The following UTP20 variants were observed in gnomAD, a reference collection of about 807,000 sequenced individuals.
UTP20 encodes the protein UTP20 small subunit processome component.
UTP20 carries 164 observed loss-of-function variants against 329.5 expected under a neutral mutation model. The ratio of observed to expected loss-of-function variants is 0.50; its 90% CI spans 0.44 to 0.57. The LOEUF (loss-of-function observed/expected upper bound fraction) is 0.57. Ranked by LOEUF, UTP20 falls within the 20% of genes least tolerant of loss-of-function variation. The pLI, the probability that UTP20 is intolerant of heterozygous loss-of-function variation, is 0.00. For synonymous variants in UTP20, 1,151 were observed against 1,159.3 expected, an observed-to-expected ratio of 0.99 and a Z score of 0.14; for missense variants, 3,055 against 3,284.2, an observed-to-expected ratio of 0.93 and a Z score of 1.71.
At chr12:101,378,129 G>A (rs76798109) in intron 56 of UTP20, among the ~76,000 whole-genome samples, 12,907 of 152,242 alleles carry the variant, frequency 0.085, 671 homozygotes, top group Middle Eastern at 0.15. Flanking sequence ...TTAAGAGTTT[G>A]AAGGTCAGAT....
At chr12:101,322,450 A>G (rs1401689901) in intron 25 of UTP20, among the ~76,000 whole-genome samples, 2 of 152,198 alleles carry the variant, frequency 1.3e-5, no homozygotes, top group African/African-American at 4.8e-5. Flanking sequence ...TTAATTATAA[A>G]TGGTAGAGCA....
chr12:101,376,034 A>G (rs137868381), intron 56 of UTP20, among the ~76,000 whole-genome samples: 13 of 151,900 alleles, frequency 8.6e-5, no homozygotes, highest in African/African-American at 3.1e-4. Flanking sequence ...CTATTTATTT[A>G]TTTTCCCTCA....
Position 101,334,409 on chromosome 12 carries a change from T to C in UTP20, c.3562-16T>C. The C allele has an allele frequency of 1.2e-6, 2 of 1,607,666 alleles. No individual in the cohort carries two copies. Among genetic ancestry groups the C allele is most frequent in the Non-Finnish European group, 1.7e-6 (2 of 1,178,054 alleles). The stretch of plus-strand genomic sequence containing the variant: ...GTATATGTATTTGGTATTCTGTTTT[T>C]TACTTTGTCTCCTAGATCAGCAGGC... On this transcript the variant is annotated splice_polypyrimidine_tract_variant and intron_variant, in intron 28 of 61. Transcript: ENST00000261637.
chr12:101,286,580 A>T lies in UTP20; in HGVS notation c.515+71A>T, dbSNP rs1030926095. On this transcript the variant is annotated intron_variant, in intron 5 of 61. Transcript: ENST00000261637. ...TTTTCCCTGGCTTCTTTATGACTCCAAACCACTTTGCCAGCTCAGTGCCTA... is the reference window on the plus strand; with the variant it reads ...TTTTCCCTGGCTTCTTTATGACTCCTAACCACTTTGCCAGCTCAGTGCCTA... 5.3e-6 allele frequency: 7 copies of T among 1,313,672 alleles called. No individual in the cohort carries two copies. The African/African-American group carries it at 1.0e-4, about 20-fold the overall frequency. The allele number at this position is 1,313,672 out of a possible 1,614,324, so 81.4% of individuals were successfully genotyped here.
intron 31 of UTP20, 28 bp downstream of exon 31, chr12:101,338,985 T>A: frequency 6.4e-7 from 1 of 1,558,132 alleles, no homozygotes; most frequent in Admixed American, 2.1e-5. Context: ...ACTTAAAAGA[T>A]AACATTACCA....
chr12:101,294,441 T>G (rs904859811), intron 11 of UTP20, among the ~76,000 whole-genome samples: 1 of 152,314 alleles, frequency 6.6e-6, no homozygotes, highest in African/African-American at 2.4e-5. Flanking sequence ...CCCAATAGAA[T>G]TATATTAGAA....
intron 12 of UTP20, among the ~76,000 whole-genome samples, chr12:101,296,896 G>C (rs1872375142): frequency 6.6e-6 from 1 of 152,192 alleles, no homozygotes; most frequent in Non-Finnish European, 1.5e-5. Flanking sequence ...TACATGAGAA[G>C]ATTTATTGTA....
chr12:101,332,214 G>C (rs1239446870), intron 27 of UTP20, among the ~76,000 whole-genome samples: 1 of 152,158 alleles, frequency 6.6e-6, no homozygotes, highest in Admixed American at 6.5e-5. Context: ...GTGCATGCCT[G>C]TAATCCCAGC....
At chr12:101,352,579 G>A (rs537487298) in intron 39 of UTP20, among the ~76,000 whole-genome samples, 146 of 149,410 alleles carry the variant, frequency 9.8e-4, no homozygotes, top group African/African-American at 3.4e-3. Context: ...ACCAAACACC[G>A]CATATTCTCA....
intron 12 of UTP20, among the ~76,000 whole-genome samples, chr12:101,296,428 A>C (rs1872351357): frequency 6.6e-6 from 1 of 152,160 alleles, no homozygotes; most frequent in Non-Finnish European, 1.5e-5. Flanking sequence ...AAAATTAGCC[A>C]GGCGTGGTGG....
intron 56 of UTP20, among the ~76,000 whole-genome samples, chr12:101,378,672 G>A (rs1238423387): frequency 1.3e-5 from 2 of 151,428 alleles, no homozygotes; most frequent in African/African-American, 4.9e-5. Context: ...TGAGCTGAGA[G>A]TACACCACTG....
rs1285289523 is a variant in UTP20 at position 101,370,533 on chromosome 12, A to C, written c.6657A>C (p.Ser2219=). 5 of 1,613,784 alleles carry C rather than the reference A, an allele frequency of 3.1e-6. No individual in the cohort carries two copies. The highest frequency in any genetic ancestry group is 1.1e-5 in the South Asian group (1 of 90,920). The part of the protein sequence containing the change: ...AYAEEDIYDT[S]RQATAFGLLK... The stretch of plus-strand genomic sequence containing the variant: ...CTGAGGAGGACATTTATGATACTTC[A>C]AGACAAGCCACTGCCTTTGGTCTTC... The change falls in exon 50 of 62, where the codon TCA becomes TCC. Residue 2219 remains serine (S), a synonymous_variant. Transcript: ENST00000261637.
At chr12:101,312,467 C>T (rs1340599632) in intron 21 of UTP20, among the ~76,000 whole-genome samples, 191 bp downstream of exon 21, 9 of 152,094 alleles carry the variant, frequency 5.9e-5, no homozygotes, top group Non-Finnish European at 1.0e-4. Flanking sequence ...TGTTTTTAGA[C>T]AGAGTTTTGC....
Position 101,385,981 on chromosome 12 carries a change from C to T in UTP20, c.8216C>T (p.Pro2739Leu), listed in dbSNP as rs1236812381. 6.3e-7 allele frequency: 1 copy of T among 1,585,634 alleles called. No homozygotes were observed. The highest frequency in any genetic ancestry group is 1.4e-5 in the African/African-American group (1 of 73,060). ...KRKALEFVTNPDIAAKKKMKK... is the reference protein window; with the variant it reads ...KRKALEFVTNLDIAAKKKMKK... ...TCTCTTTTCCAGTTTGTAACTAATC[C>T]TGATATTGCTGCCAAGAAAAAAATG... The change falls in exon 62 of 62, where the codon CCT (proline) becomes CTT (leucine). Residue 2739 changes from proline (P) to leucine (L), a missense_variant. By Grantham distance (98) the Pro-to-Leu change is moderately conservative. Around this residue, in one of 3 missense-constraint regions of UTP20, gnomAD observed 337 missense variants for 345.5 expected, o/e 0.98. Transcript: ENST00000261637.
chr12:101,319,599 A>G lies in UTP20; in HGVS notation c.2793A>G (p.Leu931=), dbSNP rs755103743. 1 of 1,608,296 alleles carries G rather than the reference A, an allele frequency of 6.2e-7. No homozygotes were observed. Among genetic ancestry groups the G allele is most frequent in the East Asian group, 2.2e-5 (1 of 44,724 alleles). Residue 931 remains leucine, a synonymous_variant, in exon 23 of 62, where the codon TTA becomes TTG. Transcript: ENST00000261637. ...CTAAATTTTCAAATCCACGGGCCTT[A>G]TATCTGGAATCCAAACTATATGAGT... is the stretch of plus-strand genomic sequence containing the variant. ...VFSKFSNPRA[L]YLESKLYELY... is the part of the protein sequence containing the mutation.
intron 21 of UTP20, among the ~76,000 whole-genome samples, chr12:101,312,511 G>A (rs996829290): frequency 2.0e-5 from 3 of 152,112 alleles, no homozygotes; most frequent in South Asian, 2.1e-4. Context: ...GTGCGATCTC[G>A]GCTCACTGCA....
intron 8 of UTP20, 41 bp downstream of exon 8, chr12:101,290,929 C>A: frequency 6.3e-7 from 1 of 1,579,492 alleles, no homozygotes; most frequent in South Asian, 1.2e-5. Flanking sequence ...GATAAGGAGT[C>A]TAAGAATTTA....
chr12:101,321,729 C>A, intron 25 of UTP20, 100 bp downstream of exon 25: 2 of 1,395,276 alleles, frequency 1.4e-6, no homozygotes, highest in Non-Finnish European at 9.6e-7. Flanking sequence ...TAGAATATTT[C>A]ATTTTCTATT....
Position 101,319,653 on chromosome 12 carries a change from T to C in UTP20, c.2829+18T>C. 1.3e-6 allele frequency: 2 copies of C among 1,567,408 alleles called. No homozygotes were observed. The highest frequency in any genetic ancestry group is 1.7e-6 in the Non-Finnish European group (2 of 1,156,182). ...ATCTTCAGGTCAGTAAAATAAACTC[T>C]TGGCATTATAATTCTTTGTGAACTT... On this transcript the variant is annotated intron_variant, in intron 23 of 61. Transcript: ENST00000261637.
Sources: allele counts gnomAD v4.1 joint callset (sites outside exome capture counted in the v4.1 genomes callset), GRCh38; gene constraint gnomAD v4.1.1; regional missense constraint gnomAD v4.1.1; transcripts MANE v1.5; gene names NCBI Gene and HGNC (gene_info 2026-07-23, HGNC 2026-07-21).